Variants in SNX9 observed in about 807,000 individuals in gnomAD.
SNX9 encodes sorting nexin-9.
In SNX9, 44 loss-of-function variants were observed where a neutral mutation model predicts 89.4. That is an observed-to-expected ratio of 0.49 (90% CI 0.39 to 0.63). The LOEUF (loss-of-function observed/expected upper bound fraction) is 0.63, where lower values mean the gene tolerates loss of function less well. Ranked by LOEUF, SNX9 falls within the 30% of genes least tolerant of loss-of-function variation. The pLI is 0.00. For synonymous variants in SNX9, 236 were observed against 247.8 expected, an observed-to-expected ratio of 0.95 and a Z score of 0.45; for missense variants, 578 against 736.1, an observed-to-expected ratio of 0.79 and a Z score of 2.49.
intron 12 of SNX9, among the ~76,000 whole-genome samples, chr6:157,928,954 C>CT (rs770243957): frequency 6.6e-6 from 1 of 152,086 alleles, no homozygotes; most frequent in Non-Finnish European, 1.5e-5. Context: ...TAATTTGGGG[C>CT]TTTATAATCT....
chr6:157,833,987 G>A (rs1011396455), intron 1 of SNX9, among the ~76,000 whole-genome samples: 1 of 151,968 alleles, frequency 6.6e-6, no homozygotes, highest in African/African-American at 2.4e-5. Flanking sequence ...TCTCCACGCT[G>A]GGGGCTACGT....
At chr6:157,837,298 C>G (rs1189490766) in intron 1 of SNX9, among the ~76,000 whole-genome samples, 2 of 152,208 alleles carry the variant, frequency 1.3e-5, no homozygotes, top group Non-Finnish European at 2.9e-5. Flanking sequence ...ACTACTCTTC[C>G]TATTGCCTTT....
intron 6 of SNX9, among the ~76,000 whole-genome samples, chr6:157,903,458 A>G (rs1271396355): frequency 1.3e-4 from 20 of 152,366 alleles, no homozygotes; most frequent in Non-Finnish European, 2.9e-5. Flanking sequence ...TGCATAATAA[A>G]GTGAATAATT....
In SNX9 at chr6:157,927,091, T is replaced by G; in HGVS notation, c.1081-20T>G. ...TTGACTGTGCTCTCCACTTGAACCT[T>G]ACAACATTCTCATTTACAGGAATGG... On this transcript the variant is annotated intron_variant, in intron 10 of 17. Coordinates refer to ENST00000392185, the MANE Select transcript of SNX9 (RefSeq NM_016224.5). The G allele has an allele frequency of 6.3e-7, 1 of 1,599,672 alleles. No homozygotes were observed. The highest frequency in any genetic ancestry group is 8.6e-7 in the Non-Finnish European group (1 of 1,166,868).
At chr6:157,867,406 A>T (rs1583207401) in intron 1 of SNX9, 141 bp from the exon 2 acceptor site, 5 of 602,104 alleles carry the variant, frequency 8.3e-6, no homozygotes, top group Non-Finnish European at 1.5e-5. Context: ...TCATTTTGGT[A>T]ATGTCTTCCT....
chr6:157,863,925 A>G (rs1014174878), intron 1 of SNX9, among the ~76,000 whole-genome samples: 17 of 152,170 alleles, frequency 1.1e-4, no homozygotes, highest in Admixed American at 1.0e-3. Context: ...CTCCAAAATT[A>G]TTCTCAGTTC....
intron 1 of SNX9, among the ~76,000 whole-genome samples, chr6:157,826,867 A>C (rs1286757194): frequency 8.4e-6 from 1 of 118,590 alleles, no homozygotes; most frequent in African/African-American, 3.8e-5. Context: ...AATATATATT[A>C]TAGTTTATAT....
chr6:157,836,839 C>T (rs899693219), intron 1 of SNX9, among the ~76,000 whole-genome samples: 3 of 152,156 alleles, frequency 2.0e-5, no homozygotes, highest in Non-Finnish European at 2.9e-5. Context: ...GATCCGCCCA[C>T]CTTGTCCTCC....
At chr6:157,877,828 G>A (rs1207704377) in intron 4 of SNX9, among the ~76,000 whole-genome samples, 1 of 152,114 alleles carries the variant, frequency 6.6e-6, no homozygotes, top group Non-Finnish European at 1.5e-5. Flanking sequence ...ACTCATCTTA[G>A]CATCAGTAAG....
At chr6:157,828,494 A>C (rs1781423044) in intron 1 of SNX9, among the ~76,000 whole-genome samples, 3 of 151,668 alleles carry the variant, frequency 2.0e-5, no homozygotes, top group Admixed American at 2.0e-4. Context: ...GATTATGATT[A>C]TTATTATTTT....
chr6:157,849,254 G>A (rs568412984), intron 1 of SNX9, among the ~76,000 whole-genome samples: 17 of 152,204 alleles, frequency 1.1e-4, no homozygotes, highest in Non-Finnish European at 2.4e-4. Flanking sequence ...AAAAAAGAGG[G>A]TACAGTTAAT....
chr6:157,831,105 G>A (rs545784158), intron 1 of SNX9, among the ~76,000 whole-genome samples: 3 of 152,234 alleles, frequency 2.0e-5, no homozygotes, highest in South Asian at 4.2e-4. Context: ...CTTCTCTTAA[G>A]CATGTCAAAA....
chr6:157,926,135 G>C (rs1783687175), intron 10 of SNX9, among the ~76,000 whole-genome samples: 1 of 152,156 alleles, frequency 6.6e-6, no homozygotes, highest in South Asian at 2.1e-4. Flanking sequence ...ATGAATTTTG[G>C]AGGGAACACA....
At chr6:157,942,045 T>G (rs149454068) in intron 17 of SNX9, among the ~76,000 whole-genome samples, 3 of 152,374 alleles carry the variant, frequency 2.0e-5, no homozygotes, top group African/African-American at 7.2e-5. Flanking sequence ...TTATTGATTT[T>G]CAAGTCCAGG....
chr6:157,844,600 G>GTTTGTTTTTTTTTTTTT (rs1781767359), intron 1 of SNX9, among the ~76,000 whole-genome samples: 1 of 131,806 alleles, frequency 7.6e-6, no homozygotes, highest in Non-Finnish European at 1.6e-5. Flanking sequence ...TTTTTTTTTT[G>GTTTGTTTTTTTTTTTTT]TTTTTTTTTT....
intron 1 of SNX9, among the ~76,000 whole-genome samples, chr6:157,864,982 T>G (rs9458714): frequency 0.093 from 13,935 of 149,684 alleles, 686 homozygotes; most frequent in Non-Finnish European, 0.11. Context: ...GAGCTGAGAC[T>G]TGCCACTGCA....
Position 157,921,426 on chromosome 6 carries a change from C to G in SNX9, c.950-105C>G, listed in dbSNP as rs189280761. 5.1e-4 allele frequency: 598 copies of G among 1,179,396 alleles called. 2 individuals are homozygous for G. In the African/African-American group the frequency reaches 8.5e-3, roughly 17 times the overall value. 73.1% of individuals were successfully genotyped at this position (1,179,396 alleles called of 1,614,324 possible). A position where few individuals can be genotyped will look rare whatever the true frequency, so the allele number is the denominator to read the frequency against. On this transcript the variant is annotated intron_variant, in intron 9 of 17. Coordinates refer to ENST00000392185, the MANE Select transcript of SNX9 (RefSeq NM_016224.5). Reference sequence around the variant, plus strand: ...GGTTTACCTTTTGCTAAATAGCTTTCTACCCAATAGCCAGTAGACATAGAA... The same window carrying G: ...GGTTTACCTTTTGCTAAATAGCTTTGTACCCAATAGCCAGTAGACATAGAA...
intron 1 of SNX9, among the ~76,000 whole-genome samples, chr6:157,850,003 G>C (rs1562593763): frequency 6.6e-6 from 1 of 152,166 alleles, no homozygotes; most frequent in South Asian, 2.1e-4. Context: ...GAAGAGTGTA[G>C]GACCCTGGAA....
intron 4 of SNX9, among the ~76,000 whole-genome samples, chr6:157,887,269 G>A (rs927858118): frequency 6.6e-6 from 1 of 152,160 alleles, no homozygotes; most frequent in Non-Finnish European, 1.5e-5. Context: ...TTGTAGTATT[G>A]TACCCGATGC....
Sources: allele counts gnomAD v4.1 joint callset (sites outside exome capture counted in the v4.1 genomes callset), GRCh38; gene constraint gnomAD v4.1.1; transcripts MANE v1.5; gene names NCBI Gene and HGNC (gene_info 2026-07-23, HGNC 2026-07-21).